Variants in CMSS1 observed in about 807,000 individuals in gnomAD.
The protein encoded by CMSS1 is cms1 ribosomal small subunit homolog, also known as protein CMSS1.
Under a neutral mutation model 43.5 loss-of-function variants are expected in CMSS1, and 33 were observed. That is an observed-to-expected ratio of 0.76 (90% CI 0.57 to 1.01). CMSS1 has a LOEUF of 1.01. Ranked by LOEUF, CMSS1 falls within the 50% of genes least tolerant of loss-of-function variation. The pLI is 0.00. For synonymous variants in CMSS1, 115 were observed against 117.2 expected (o/e 0.98, Z 0.12); for missense variants, 313 against 326.4 (o/e 0.96, Z 0.32).
At chr3:100,038,874 T>C in intron 1 of CMSS1, among the ~76,000 whole-genome samples, 2 of 152,072 alleles carry the variant, frequency 1.3e-5, no homozygotes, top group Non-Finnish European at 2.9e-5. Context: ...ACAGAACATA[T>C]TGTCTATATC....
chr3:100,146,689 C>CT (rs1437437612), intron 1 of CMSS1, among the ~76,000 whole-genome samples: 5 of 152,310 alleles, frequency 3.3e-5, no homozygotes, highest in African/African-American at 1.2e-4. Context: ...ATAAATACCA[C>CT]TTTTTAAAGG....
intron 1 of CMSS1, among the ~76,000 whole-genome samples, chr3:99,899,936 A>G (rs531279106): frequency 6.6e-6 from 1 of 152,342 alleles, no homozygotes; most frequent in East Asian, 1.9e-4. Context: ...TTACTAGTAC[A>G]TTCCTAAGGT....
At chr3:99,958,670 T>TG (rs994498800) in intron 1 of CMSS1, among the ~76,000 whole-genome samples, 5 of 152,014 alleles carry the variant, frequency 3.3e-5, no homozygotes, top group African/African-American at 1.2e-4. Flanking sequence ...AGAAGAGAGC[T>TG]GGGGGCAGAG....
intron 1 of CMSS1, among the ~76,000 whole-genome samples, chr3:100,005,995 G>A (rs534231635): frequency 1.3e-5 from 2 of 152,240 alleles, no homozygotes; most frequent in South Asian, 2.1e-4. Context: ...ATGGAGAATG[G>A]TAGAGAAGGG....
intron 1 of CMSS1, among the ~76,000 whole-genome samples, chr3:99,911,713 T>C (rs1321452810): frequency 1.3e-5 from 2 of 152,216 alleles, no homozygotes; most frequent in African/African-American, 4.8e-5. Context: ...ATCTTTCTAA[T>C]CAGATCCTTG....
At chr3:100,016,389 C>G (rs1710340983) in intron 1 of CMSS1, among the ~76,000 whole-genome samples, 9 of 152,160 alleles carry the variant, frequency 5.9e-5, no homozygotes, top group Admixed American at 5.9e-4. Context: ...CAGGGTATCT[C>G]CATGTTGGTC....
intron 1 of CMSS1, 103 bp downstream of exon 1, chr3:99,818,146 G>A (rs1386525841): frequency 2.8e-6 from 3 of 1,088,622 alleles, no homozygotes; most frequent in Non-Finnish European, 4.1e-6. Flanking sequence ...CCCAGCAGGG[G>A]TGTGCACCGC....
intron 1 of CMSS1, among the ~76,000 whole-genome samples, chr3:99,956,966 C>T (rs1186733553): frequency 1.3e-5 from 2 of 152,174 alleles, no homozygotes; most frequent in Non-Finnish European, 2.9e-5. Flanking sequence ...AAGAGGTCTT[C>T]CTACCTATTT....
chr3:99,979,803 A>G (rs901565287), intron 1 of CMSS1, among the ~76,000 whole-genome samples: 4 of 152,178 alleles, frequency 2.6e-5, no homozygotes, highest in African/African-American at 9.7e-5. Flanking sequence ...CTAGTCCTTA[A>G]AGAGGGCACA....
At chr3:99,913,092 C>CA (rs146518528) in intron 1 of CMSS1, among the ~76,000 whole-genome samples, 2,422 of 152,298 alleles carry the variant, frequency 0.016, 60 homozygotes, top group African/African-American at 0.055. Flanking sequence ...AAGGAGACGA[C>CA]AGCGGTTTAC....
rs16846956 is a variant in CMSS1, at chr3:99,889,770, A to G, written c.64+71727A>G. Among the ~76,000 whole-genome samples, 977 of 152,160 alleles carry G rather than the reference A, an allele frequency of 6.4e-3. 10 individuals carry two copies. Among genetic ancestry groups the G allele is most frequent in the African/African-American group, 0.022 (926 of 41,550 alleles). On this transcript the variant is annotated intron_variant, in intron 1 of 9. Coordinates refer to ENST00000421999, the MANE Select transcript of CMSS1 (RefSeq NM_032359.4). ...TTCCATCTCACAAGTTAAATTCTCAAAAGTCTAAAGCTACTCAGTATATTA... is the reference window on the plus strand; with the variant it reads ...TTCCATCTCACAAGTTAAATTCTCAGAAGTCTAAAGCTACTCAGTATATTA...
intron 1 of CMSS1, among the ~76,000 whole-genome samples, chr3:99,893,525 A>G (rs1432526911): frequency 6.6e-6 from 1 of 152,274 alleles, no homozygotes; most frequent in East Asian, 1.9e-4. Context: ...TGTTCATTTT[A>G]TAGAATTTGA....
At chr3:100,004,697 G>A (rs970265002) in intron 1 of CMSS1, among the ~76,000 whole-genome samples, 2 of 152,216 alleles carry the variant, frequency 1.3e-5, no homozygotes, top group African/African-American at 4.8e-5. Context: ...GTTGAGGAAT[G>A]AGAACTGGGA....
chr3:99,938,628 G>A (rs1212411205), intron 1 of CMSS1, among the ~76,000 whole-genome samples: 1 of 152,172 alleles, frequency 6.6e-6, no homozygotes, highest in Non-Finnish European at 1.5e-5. Context: ...CTGAAAGAAT[G>A]GAAAGAGATG....
At chr3:99,900,206 G>A (rs1476838695) in intron 1 of CMSS1, among the ~76,000 whole-genome samples, 2 of 152,034 alleles carry the variant, frequency 1.3e-5, no homozygotes, top group Non-Finnish European at 2.9e-5. Context: ...ACTACAGGAT[G>A]GAAGTCAAAA....
intron 1 of CMSS1, among the ~76,000 whole-genome samples, chr3:100,126,681 G>A (rs190478074): frequency 5.1e-4 from 77 of 152,184 alleles, no homozygotes; most frequent in South Asian, 6.2e-4. Context: ...AGTTAACTAA[G>A]AGCTAGATAT....
chr3:100,139,537 G>A (rs1339755206), intron 1 of CMSS1, among the ~76,000 whole-genome samples: 24 of 141,792 alleles, frequency 1.7e-4, no homozygotes, highest in African/African-American at 5.3e-4. Context: ...AAATGTGTGT[G>A]TGTGTGTGTG....
chr3:100,094,726 C>T lies in CMSS1; in HGVS notation c.65-52247C>T, dbSNP rs567722126. On this transcript the variant is annotated intron_variant, in intron 1 of 9. Transcript: ENST00000421999. ...TTTGAGACAGTCTCGCTCTGTCACCCGAGCTGGAGTGCAGTGGCACAATCT... is the reference window on the plus strand; with the variant it reads ...TTTGAGACAGTCTCGCTCTGTCACCTGAGCTGGAGTGCAGTGGCACAATCT... 1.1e-3 allele frequency among the ~76,000 whole-genome samples: 148 copies of T among 135,746 alleles called. 1 individual carries two copies. Among genetic ancestry groups the T allele is most frequent in the Admixed American group, 3.1e-3 (38 of 12,226 alleles). The allele number at this position is 135,746 out of a possible 152,430, so 89.1% of individuals were successfully genotyped here.
chr3:99,899,461 A>G (rs1381493804), intron 1 of CMSS1, among the ~76,000 whole-genome samples: 2 of 152,242 alleles, frequency 1.3e-5, no homozygotes, highest in African/African-American at 4.8e-5. Context: ...AAAGTTTTCC[A>G]TGAATTATAT....
Sources: allele counts gnomAD v4.1 joint callset (sites outside exome capture counted in the v4.1 genomes callset), GRCh38; gene constraint gnomAD v4.1.1; transcripts MANE v1.5; gene names NCBI Gene and HGNC (gene_info 2026-07-23, HGNC 2026-07-21).